LYPD4: variants seen among roughly 807,000 people sequenced by gnomAD.
The protein encoded by LYPD4 is ly6/PLAUR domain-containing protein 4.
Under a neutral mutation model 18.2 loss-of-function variants are expected in LYPD4, and 20 were observed. The ratio of observed to expected loss-of-function variants is 1.10; its 90% CI spans 0.77 to 1.59. The LOEUF (loss-of-function observed/expected upper bound fraction) is 1.59. LYPD4 is among the 40% of genes most tolerant of loss of function. LYPD4 has a pLI of 0.00. For missense variants in LYPD4, 278 were observed against 300.3 expected (o/e 0.93, Z 0.55); for synonymous variants, 111 against 118.3 (o/e 0.94, Z 0.40).
chr19:41,843,065 A>AC (rs2073686465), intron 1 of LYPD4, among the ~76,000 whole-genome samples: 2 of 39,464 alleles, frequency 5.1e-5, no homozygotes, highest in Admixed American at 7.6e-4. Flanking sequence ...AAAAAAAAAA[A>AC]AAAAAAAAAA....
chr19:41,836,287 CAAAAAAAAAAAAAAAAAAAAAAAAAAAAA>C (rs531204341), downstream of LYPD4, among the ~76,000 whole-genome samples: 7 of 19,944 alleles, frequency 3.5e-4, no homozygotes, highest in East Asian at 0.016. Flanking sequence ...GCCAACTTAC[CAAAAAAAAAAAAAAAAAAAAAAAAAAAAA>C]AAAAAAAAAA....
downstream of LYPD4, among the ~76,000 whole-genome samples, chr19:41,836,318 A>AAAAAAAAAAAAAAC: frequency 7.3e-6 from 1 of 136,748 alleles, no homozygotes; most frequent in East Asian, 2.0e-4. Context: ...AAAAAAAAAA[A>AAAAAAAAAAAAAAC]AAAAAAAAAC....
chr19:41,840,391 G>A (rs1435044407), intron 1 of LYPD4, among the ~76,000 whole-genome samples: 1 of 152,040 alleles, frequency 6.6e-6, no homozygotes, highest in East Asian at 1.9e-4. Flanking sequence ...TGTACAAACA[G>A]TATTGTACAA....
downstream of LYPD4, among the ~76,000 whole-genome samples, chr19:41,836,824 G>C (rs1453845527): frequency 6.6e-6 from 1 of 152,100 alleles, no homozygotes; most frequent in African/African-American, 2.4e-5. Context: ...GGAAACTGAG[G>C]CCCATAAAAA....
intron 1 of LYPD4, among the ~76,000 whole-genome samples, chr19:41,840,648 C>A (rs1188392930): frequency 2.6e-5 from 4 of 151,860 alleles, no homozygotes; most frequent in African/African-American, 7.3e-5. Context: ...CTGGCTAACA[C>A]GGTGAAACCC....
At chr19:41,842,764 CAAAAAAAAAAAAAAAAAA>C (rs782233081) in intron 1 of LYPD4, among the ~76,000 whole-genome samples, 5 of 49,766 alleles carry the variant, frequency 1.0e-4, no homozygotes, top group African/African-American at 2.3e-4. Context: ...TCCGTCTAAA[CAAAAAAAAAAAAAAAAAA>C]AAAAAAAAAA....
At chr19:41,840,724 G>A (rs8113780) in intron 1 of LYPD4, among the ~76,000 whole-genome samples, 63,118 of 151,624 alleles carry the variant, frequency 0.42, 14,899 homozygotes, top group Middle Eastern at 0.57. Flanking sequence ...CAACTACTTG[G>A]GAGGCTGAGG....
chr19:41,842,304 C>T (rs1555833715), intron 1 of LYPD4, among the ~76,000 whole-genome samples: 2 of 151,992 alleles, frequency 1.3e-5, no homozygotes, highest in African/African-American at 4.8e-5. Flanking sequence ...GCTGGGATTA[C>T]AGGCATGAGC....
At chr19:41,840,801 G>C (rs1555833139) in intron 1 of LYPD4, among the ~76,000 whole-genome samples, 1 of 151,338 alleles carries the variant, frequency 6.6e-6, no homozygotes, top group African/African-American at 2.4e-5. Flanking sequence ...CTGCACTCCA[G>C]CCTGGACGAC....
chr19:41,838,478 C>T (rs1187931673), intron 3 of LYPD4, among the ~76,000 whole-genome samples: 1 of 152,136 alleles, frequency 6.6e-6, no homozygotes, highest in African/African-American at 2.4e-5. Flanking sequence ...CCCCAGCCCC[C>T]ACTCCTCTCT....
downstream of LYPD4, chr19:41,835,749 T>C (rs1270658881): frequency 1.0e-6 from 1 of 984,458 alleles, no homozygotes; most frequent in Non-Finnish European, 1.2e-6. Context: ...AAACCTCGTG[T>C]CAGTCCCACT....
Position 41,838,150 on chromosome 19 carries a change from C to G in LYPD4, c.323G>C (p.Arg108Pro). 1 of 1,612,170 alleles carries G rather than the reference C, an allele frequency of 6.2e-7. No individual in the cohort carries two copies. Among genetic ancestry groups the G allele is most frequent in the Non-Finnish European group, 8.5e-7 (1 of 1,178,656 alleles). Residue 108 changes from arginine to proline, a missense_variant, in exon 4 of 5, where the codon CGC becomes CCC. Physicochemically the swap from Arg to Pro is moderately radical, Grantham distance 103. Coordinates refer to ENST00000609812, the MANE Select transcript of LYPD4 (RefSeq NM_173506.7). ...PPGVSIASYSRVCRSYLCNNL... is the reference protein window; with the variant it reads ...PPGVSIASYSPVCRSYLCNNL... ...GTTGCAGAGATAAGACCGGCAGACGCGACTGTAGGAGGCAATGGACACTCC... is the reference window on the plus strand; with the variant it reads ...GTTGCAGAGATAAGACCGGCAGACGGGACTGTAGGAGGCAATGGACACTCC...
At position 41,837,984 on chromosome 19, in the gene LYPD4, G is replaced by C; in HGVS notation, c.489C>G (p.Cys163Trp). The C allele has an allele frequency of 6.2e-7, 1 of 1,613,972 alleles. No homozygotes were observed. Among genetic ancestry groups the C allele is most frequent in the South Asian group, 1.1e-5 (1 of 91,056 alleles). Residue 163 changes from cysteine (C) to tryptophan (W), a missense_variant, in exon 4 of 5, where the codon TGC (cysteine) becomes TGG (tryptophan). Coordinates refer to ENST00000609812, the MANE Select transcript of LYPD4 (RefSeq NM_173506.7). ...TGTAACACGTAGAAGCAGCCAAGGG[G>C]CAAGAATTAGTGGTGACAAAATTTG... ...CLPNFVTTNSCPLAASTCYSS... is the reference protein window; with the variant it reads ...CLPNFVTTNSWPLAASTCYSS...
Position 41,837,088 on chromosome 19 carries a change from C to T in LYPD4, c.*55G>A. 6.2e-7 allele frequency: 1 copy of T among 1,610,264 alleles called. No individual in the cohort carries two copies. The highest frequency in any genetic ancestry group is 8.5e-7 in the Non-Finnish European group (1 of 1,178,298). On this transcript the variant is annotated 3_prime_UTR_variant, in exon 5 of 5. Transcript: ENST00000609812. ...AGGACAATGCAGAAAGGGAACTCTG[C>T]TATTTTATTTGTTATGTGAAAGAGT... is the stretch of plus-strand genomic sequence containing the variant.
chr19:41,838,281 G>A lies in LYPD4; in HGVS notation c.212-20C>T. The stretch of plus-strand genomic sequence containing the variant: ...CAGTCCCTGAGGAGCAGAGGATTGA[G>A]AGAGCTCAGATCAGTGTCACTGGCC... On this transcript the variant is annotated intron_variant, in intron 3 of 4. Transcript: ENST00000609812. 1 of 1,511,290 alleles carries A rather than the reference G, an allele frequency of 6.6e-7. No homozygotes were observed. The highest frequency in any genetic ancestry group is 1.3e-5 in the South Asian group (1 of 74,946). The allele number at this position is 1,511,290 out of a possible 1,614,324, so 93.6% of individuals were successfully genotyped here.
intron 1 of LYPD4, among the ~76,000 whole-genome samples, chr19:41,841,955 T>C (rs1180753124): frequency 6.6e-6 from 1 of 152,158 alleles, no homozygotes; most frequent in Non-Finnish European, 1.5e-5. Flanking sequence ...TGACACTACA[T>C]GGTCAAATTG....
intron 1 of LYPD4, among the ~76,000 whole-genome samples, chr19:41,841,014 C>T (rs1157532492): frequency 6.6e-6 from 1 of 151,802 alleles, no homozygotes; most frequent in East Asian, 1.9e-4. Context: ...CTCTCCTACC[C>T]AAAAAAGAAT....
downstream of LYPD4, chr19:41,835,859 G>T: frequency 1.0e-6 from 1 of 984,110 alleles, no homozygotes; most frequent in Non-Finnish European, 1.2e-6. Context: ...CTGTGTCCTC[G>T]CCTGTAAAAT....
At chr19:41,836,383 C>A (rs145155665), downstream of LYPD4, among the ~76,000 whole-genome samples, 262 of 142,824 alleles carry the variant, frequency 1.8e-3, no homozygotes, top group Admixed American at 4.9e-3. Context: ...ATGAAATTGC[C>A]TCAGCAGGGA....
Sources: gnomAD v4.1 joint callset for allele counts (sites outside exome capture counted in the v4.1 genomes callset) on GRCh38, gnomAD v4.1.1 for gene constraint, MANE v1.5 for transcripts, NCBI Gene and HGNC (gene_info 2026-07-23, HGNC 2026-07-21) for gene names.